Variants in VPS13B observed in about 807,000 individuals in gnomAD.
VPS13B encodes vacuolar protein sorting 13 homolog B, also known as intermembrane lipid transfer protein VPS13B.
A neutral mutation model predicts 426.4 loss-of-function variants in VPS13B; 285 were observed. The ratio of observed to expected loss-of-function variants is 0.67; its 90% CI spans 0.61 to 0.74. The LOEUF (loss-of-function observed/expected upper bound fraction) is 0.74. Among genes scored for constraint, VPS13B ranks in the 30% least tolerant of loss-of-function variants. The pLI, the probability that VPS13B is intolerant of heterozygous loss-of-function variation, is 0.00. For synonymous variants in VPS13B, 1,676 were observed against 1,676.4 expected (o/e 1.00, Z 0.01); for missense variants, 4,537 against 4,782.6 (o/e 0.95, Z 1.51).
At chr8:99,559,298 G>T (rs1246442971) in intron 31 of VPS13B, among the ~76,000 whole-genome samples, 3 of 152,130 alleles carry the variant, frequency 2.0e-5, no homozygotes, top group Non-Finnish European at 4.4e-5. Context: ...TGTAGATTCT[G>T]GATATTAGCC....
chr8:99,110,538 A>C (rs912754580), intron 5 of VPS13B, among the ~76,000 whole-genome samples: 1 of 152,114 alleles, frequency 6.6e-6, no homozygotes, highest in Non-Finnish European at 1.5e-5. Flanking sequence ...CACTAGCCAC[A>C]TGTGGCTGTT....
At chr8:99,654,988 C>G (rs938963799) in intron 34 of VPS13B, among the ~76,000 whole-genome samples, 1 of 152,118 alleles carries the variant, frequency 6.6e-6, no homozygotes, top group African/African-American at 2.4e-5. Flanking sequence ...CTACCCTACT[C>G]TAGCTAGCTG....
intron 33 of VPS13B, among the ~76,000 whole-genome samples, chr8:99,640,053 A>AG (rs1364476294): frequency 0.073 from 3,531 of 48,228 alleles, 113 homozygotes; most frequent in African/African-American, 0.15. Context: ...GAAGAAGAGA[A>AG]AAGAAAAGAA....
intron 33 of VPS13B, among the ~76,000 whole-genome samples, chr8:99,623,019 C>G (rs763667334): frequency 6.6e-6 from 1 of 152,190 alleles, no homozygotes; most frequent in Non-Finnish European, 1.5e-5. Context: ...AAACCTAAGT[C>G]AAGTGAGTCT....
intron 3 of VPS13B, among the ~76,000 whole-genome samples, chr8:99,077,411 C>T (rs1057251201): frequency 3.3e-5 from 5 of 152,066 alleles, no homozygotes; most frequent in African/African-American, 1.2e-4. Flanking sequence ...TTCATGTGAT[C>T]TGCCTGCCTC....
intron 39 of VPS13B, among the ~76,000 whole-genome samples, chr8:99,728,993 G>A (rs1032866980): frequency 9.2e-5 from 14 of 151,388 alleles, no homozygotes; most frequent in Non-Finnish European, 1.6e-4. Context: ...TTCTTCTTAG[G>A]CCACCCAGTA....
intron 19 of VPS13B, among the ~76,000 whole-genome samples, chr8:99,360,945 G>A (rs1048918617): frequency 2.0e-5 from 3 of 152,050 alleles, no homozygotes; most frequent in African/African-American, 7.2e-5. Context: ...ATTGTCCTTT[G>A]AGAGAAATCA....
chr8:99,040,606 T>C (rs1193645740), intron 3 of VPS13B, among the ~76,000 whole-genome samples: 1 of 152,204 alleles, frequency 6.6e-6, no homozygotes, highest in Non-Finnish European at 1.5e-5. Flanking sequence ...TAGTATAGTA[T>C]GTAATTAAGC....
chr8:99,489,672 A>G (rs1588431575), intron 25 of VPS13B, among the ~76,000 whole-genome samples: 1 of 152,208 alleles, frequency 6.6e-6, no homozygotes, highest in South Asian at 2.1e-4. Flanking sequence ...GCAATTGTGA[A>G]TGGGAGTTCA....
At chr8:99,554,350 A>G (rs571582095) in intron 30 of VPS13B, among the ~76,000 whole-genome samples, 27 of 152,262 alleles carry the variant, frequency 1.8e-4, no homozygotes, top group South Asian at 1.4e-3. Flanking sequence ...GTAATAATCT[A>G]GGGAAATAGG....
intron 36 of VPS13B, among the ~76,000 whole-genome samples, chr8:99,706,149 C>T (rs1284171154): frequency 6.6e-6 from 1 of 152,016 alleles, no homozygotes; most frequent in Non-Finnish European, 1.5e-5. Flanking sequence ...TGCTGTACCC[C>T]CACTTATAAC....
At chr8:99,031,951 G>A (rs1023047685) in intron 2 of VPS13B, among the ~76,000 whole-genome samples, 5 of 152,218 alleles carry the variant, frequency 3.3e-5, no homozygotes, top group African/African-American at 4.8e-5. Flanking sequence ...GATCAAATGC[G>A]AATTCTCTCT....
intron 14 of VPS13B, 87 bp from the exon 15 acceptor site, chr8:99,156,462 G>T: frequency 7.7e-7 from 1 of 1,291,362 alleles, no homozygotes; most frequent in Non-Finnish European, 1.1e-6. Flanking sequence ...CACTGCAAAT[G>T]TGCAGATCTG....
At position 99,521,733 on chromosome 8, in the gene VPS13B, G is replaced by T. The variant is rs558463758; in HGVS notation, c.4745+723G>T. On this transcript the variant is annotated intron_variant, in intron 30 of 61. Coordinates refer to ENST00000357162, the MANE Select transcript of VPS13B (RefSeq NM_152564.5). Reference sequence around the variant, plus strand: ...CTTGCTGGTCTGTTTTTCAGATGTTGTAGTCTCACTCTTCTAAAAAATAAA... The same window carrying T: ...CTTGCTGGTCTGTTTTTCAGATGTTTTAGTCTCACTCTTCTAAAAAATAAA... 2.4e-4 allele frequency among the ~76,000 whole-genome samples: 36 copies of T among 152,290 alleles called. No homozygotes were observed. In the East Asian group the frequency reaches 6.0e-3, roughly 25 times the overall value.
chr8:99,614,040 TC>T (rs1827957929), intron 33 of VPS13B: 1 of 152,320 alleles, frequency 6.6e-6, no homozygotes, highest in South Asian at 2.1e-4. Flanking sequence ...TGCCTTAGCT[TC>T]CCAAGTACCT....
intron 35 of VPS13B, among the ~76,000 whole-genome samples, chr8:99,666,170 A>G (rs201714155): frequency 9.2e-5 from 14 of 152,100 alleles, no homozygotes; most frequent in East Asian, 1.9e-4. Flanking sequence ...TGTATCCTGA[A>G]ACTTTGCTGA....
chr8:99,302,942 C>T (rs1820441936), intron 19 of VPS13B, among the ~76,000 whole-genome samples: 1 of 152,002 alleles, frequency 6.6e-6, no homozygotes, highest in African/African-American at 2.4e-5. Context: ...AGTTGGGGAC[C>T]ATCTGTGTAA....
intron 28 of VPS13B, among the ~76,000 whole-genome samples, chr8:99,510,013 AT>A (rs1320097926): frequency 2.0e-5 from 3 of 152,134 alleles, no homozygotes; most frequent in East Asian, 1.9e-4. Context: ...AGTTATGATA[AT>A]TTTTTTACTC....
intron 36 of VPS13B, among the ~76,000 whole-genome samples, chr8:99,714,901 G>A (rs1308250499): frequency 2.0e-5 from 3 of 152,022 alleles, no homozygotes; most frequent in Non-Finnish European, 4.4e-5. Flanking sequence ...ACCAGAAAGA[G>A]GAAATTAGTG....
Sources: allele counts gnomAD v4.1 joint callset (sites outside exome capture counted in the v4.1 genomes callset), GRCh38; gene constraint gnomAD v4.1.1; transcripts MANE v1.5; gene names NCBI Gene and HGNC (gene_info 2026-07-23, HGNC 2026-07-21).